The following VCL variants were observed in gnomAD, a reference collection of about 807,000 sequenced individuals.
VCL encodes vinculin, also known as epididymis luminal protein 114.
VCL carries 47 observed loss-of-function variants against 125.7 expected under a neutral mutation model. That is an observed-to-expected ratio of 0.37 (90% CI 0.30 to 0.48). VCL has a LOEUF of 0.48. Among genes scored for constraint, VCL ranks in the 20% least tolerant of loss-of-function variants. The probability of loss-of-function intolerance (pLI) is 0.99; values close to 1 mark genes in which losing one functional copy is unlikely to be tolerated. For synonymous variants in VCL, 458 were observed against 514.6 expected, an observed-to-expected ratio of 0.89 and a Z score of 1.49; for missense variants, 1,069 against 1,455.5, an observed-to-expected ratio of 0.73 and a Z score of 4.32.
chr10:74,086,348 G>C (rs565025049), intron 8 of VCL, among the ~76,000 whole-genome samples: 8 of 152,312 alleles, frequency 5.3e-5, no homozygotes, highest in East Asian at 3.9e-4. Context: ...GGACTTTCAG[G>C]TTGCGTCTCT....
intron 1 of VCL, among the ~76,000 whole-genome samples, chr10:74,014,249 G>A (rs1840493154): frequency 6.6e-6 from 1 of 150,946 alleles, no homozygotes; most frequent in African/African-American, 2.4e-5. Context: ...TTCTTTTTTT[G>A]GAGACAGGGT....
At chr10:74,037,583 T>C (rs1841006213) in intron 1 of VCL, among the ~76,000 whole-genome samples, 1 of 152,264 alleles carries the variant, frequency 6.6e-6, no homozygotes, top group South Asian at 2.1e-4. Flanking sequence ...CTGAACTAAC[T>C]GAACTTTCCT....
In VCL at chr10:74,118,288, T is replaced by C. The variant is rs181553856; in HGVS notation, c.*119T>C. ...AAAAATCACATCCTGGCCTGGCACA[T>C]CAGAAAGGAATGGGGGCCTCTTCAA... On this transcript the variant is annotated 3_prime_UTR_variant, in exon 22 of 22. Coordinates refer to ENST00000211998, the MANE Select transcript of VCL (RefSeq NM_014000.3). The C allele has an allele frequency of 6.7e-5, 87 of 1,294,482 alleles. No homozygotes were observed. The African/African-American group carries it at 1.2e-3, about 17-fold the overall frequency. 80.2% of individuals were successfully genotyped at this position (1,294,482 alleles called of 1,614,324 possible). A position where few individuals can be genotyped will look rare whatever the true frequency, so the allele number is the denominator to read the frequency against.
intron 2 of VCL, among the ~76,000 whole-genome samples, chr10:74,068,411 G>A (rs565991528): frequency 2.6e-5 from 4 of 151,520 alleles, no homozygotes; most frequent in African/African-American, 9.7e-5. Flanking sequence ...TGCAACCTCC[G>A]CTTCCTGGGT....
At chr10:74,098,477 T>C (rs908997528) in intron 13 of VCL, among the ~76,000 whole-genome samples, 3 of 152,184 alleles carry the variant, frequency 2.0e-5, no homozygotes, top group Non-Finnish European at 4.4e-5. Flanking sequence ...TATTCCCCCT[T>C]CTTGGAACAG....
intron 1 of VCL, among the ~76,000 whole-genome samples, chr10:74,021,908 C>T (rs190801174): frequency 3.5e-4 from 53 of 152,108 alleles, no homozygotes; most frequent in African/African-American, 1.2e-3. Context: ...TCAAAGCAAC[C>T]AGTCTGGATT....
At chr10:74,110,760 G>A (rs1840207573) in intron 18 of VCL, among the ~76,000 whole-genome samples, 1 of 152,182 alleles carries the variant, frequency 6.6e-6, no homozygotes, top group South Asian at 2.1e-4. Flanking sequence ...ACTTCCTCTT[G>A]AGTACAGATG....
intron 4 of VCL, 42 bp from the exon 5 acceptor site, chr10:74,072,688 G>A (rs1238155475): frequency 6.2e-7 from 1 of 1,613,600 alleles, no homozygotes; most frequent in Admixed American, 1.7e-5. Flanking sequence ...ACCCGGGATT[G>A]TTTCACTACT....
intron 18 of VCL, among the ~76,000 whole-genome samples, chr10:74,110,424 G>A (rs1840203090): frequency 6.6e-6 from 1 of 152,204 alleles, no homozygotes; most frequent in South Asian, 2.1e-4. Flanking sequence ...GCAAGATCAG[G>A]AGTTTGCTGA....
intron 1 of VCL, among the ~76,000 whole-genome samples, chr10:74,032,064 CAAAAAAAAAAAA>C (rs35715975): frequency 1.9e-4 from 4 of 21,034 alleles, no homozygotes; most frequent in African/African-American, 7.0e-4. Context: ...AACTCCATCT[CAAAAAAAAAAAA>C]AAAAAAAAAA....
Position 74,118,406 on chromosome 10 carries a change from C to T in VCL, c.*237C>T. On this transcript the variant is annotated 3_prime_UTR_variant, in exon 22 of 22. Coordinates refer to ENST00000211998, the MANE Select transcript of VCL (RefSeq NM_014000.3). Reference sequence around the variant, plus strand: ...CTCAAACACAGTTACACTTGTGCACCCTCTATCCCAATAGGCAGACTGGGT... The same window carrying T: ...CTCAAACACAGTTACACTTGTGCACTCTCTATCCCAATAGGCAGACTGGGT... 1.8e-6 allele frequency: 1 copy of T among 556,870 alleles called. No homozygotes were observed. The highest frequency in any genetic ancestry group is 1.9e-5 in the South Asian group (1 of 51,340). The allele number at this position is 556,870 out of a possible 1,614,324, so 34.5% of individuals were successfully genotyped here.
rs557751440 is a variant in VCL, at chr10:74,092,376, A to G, written c.1353-1895A>G. Among the ~76,000 whole-genome samples, 7 of 152,250 alleles carry G rather than the reference A, an allele frequency of 4.6e-5. No homozygotes were observed. In the South Asian group the frequency reaches 6.2e-4, roughly 14 times the overall value. On this transcript the variant is annotated intron_variant, in intron 10 of 21. Transcript: ENST00000211998. ...TGGGGGCAGTTTTTTTCTTTGTGAT[A>G]TAATTGTGGTTGTCTTTTTATTTCT...
At chr10:74,042,954 A>G in intron 1 of VCL, 129 bp from the exon 2 acceptor site, 1 of 965,482 alleles carries the variant, frequency 1.0e-6, no homozygotes, top group South Asian at 1.5e-5. Context: ...TTAAATCCAG[A>G]AATCTCCCTT....
chr10:74,117,887 C>A (rs1012184594), intron 21 of VCL, 136 bp from the exon 22 acceptor site: 2 of 1,284,296 alleles, frequency 1.6e-6, no homozygotes, highest in Non-Finnish European at 1.1e-6. Flanking sequence ...TGGGAAAACC[C>A]CTAGTGATGC....
intron 1 of VCL, among the ~76,000 whole-genome samples, chr10:74,039,324 A>C (rs996469514): frequency 2.7e-5 from 4 of 145,758 alleles, no homozygotes; most frequent in East Asian, 4.0e-4. Flanking sequence ...ACACAATTCT[A>C]TTCTTTTCTC....
intron 2 of VCL, among the ~76,000 whole-genome samples, chr10:74,053,185 A>T (rs1841336759): frequency 6.6e-6 from 1 of 151,934 alleles, no homozygotes; most frequent in Non-Finnish European, 1.5e-5. Context: ...TGCATCTAAA[A>T]CTCCCTGTAT....
At chr10:74,064,145 A>G (rs1194918417) in intron 2 of VCL, among the ~76,000 whole-genome samples, 1 of 152,224 alleles carries the variant, frequency 6.6e-6, no homozygotes, top group African/African-American at 2.4e-5. Context: ...AATGGCTCAC[A>G]TAACTCACAG....
In VCL at chr10:73,998,339, GGCCGCCGTGCA is replaced by G; in HGVS notation, c.134_144del (p.Ala45GlyfsTer18). 3 of 1,557,454 alleles carry G rather than the reference GGCCGCCGTGCA, an allele frequency of 1.9e-6. No individual in the cohort carries two copies. Among genetic ancestry groups the G allele is most frequent in the Non-Finnish European group, 2.6e-6 (3 of 1,150,410 alleles). On this transcript the variant is annotated frameshift_variant, in exon 1 of 22. Coordinates refer to ENST00000211998, the MANE Select transcript of VCL (RefSeq NM_014000.3). LOFTEE classifies it high-confidence loss of function. ...CCATTCCTGACCTCACCGCGCCCGT[GGCCGCCGTGCA>G]GGCGGCCGTCAGCAACCTCGTCCGG...
At chr10:74,060,478 C>A (rs912086368) in intron 2 of VCL, among the ~76,000 whole-genome samples, 1 of 151,358 alleles carries the variant, frequency 6.6e-6, no homozygotes, top group Non-Finnish European at 1.5e-5. Flanking sequence ...TATGATGAAA[C>A]CTCATCTCTA....
Sources: allele counts gnomAD v4.1 joint callset (sites outside exome capture counted in the v4.1 genomes callset), GRCh38; gene constraint gnomAD v4.1.1; transcripts MANE v1.5; gene names NCBI Gene and HGNC (gene_info 2026-07-23, HGNC 2026-07-21).